TBCCD1: variants seen among roughly 807,000 people sequenced by gnomAD.
TBCCD1 encodes TBCC domain-containing protein 1.
A neutral mutation model predicts 53.4 loss-of-function variants in TBCCD1; 26 were observed. That is an observed-to-expected ratio of 0.49 (90% CI 0.36 to 0.68). TBCCD1 has a LOEUF of 0.68. Ranked by LOEUF, TBCCD1 falls within the 30% of genes least tolerant of loss-of-function variation. TBCCD1 has a pLI of 0.00. For synonymous variants in TBCCD1, 245 were observed against 241.7 expected, an observed-to-expected ratio of 1.01 and a Z score of -0.13; for missense variants, 558 against 669.5, an observed-to-expected ratio of 0.83 and a Z score of 1.84.
chr3:186,557,498 G>C (rs1714575996), intron 3 of TBCCD1, among the ~76,000 whole-genome samples: 1 of 152,214 alleles, frequency 6.6e-6, no homozygotes, highest in Admixed American at 6.5e-5. Flanking sequence ...TTAAGCTATA[G>C]CTAGGGCATC....
At chr3:186,557,388 A>C (rs1714572929) in intron 3 of TBCCD1, among the ~76,000 whole-genome samples, 1 of 152,072 alleles carries the variant, frequency 6.6e-6, no homozygotes, top group South Asian at 2.1e-4. Context: ...CCTTGGCTCA[A>C]AACACCATCT....
intron 2 of TBCCD1, among the ~76,000 whole-genome samples, chr3:186,559,372 G>A (rs1358276610): frequency 6.6e-6 from 1 of 152,182 alleles, no homozygotes; most frequent in Non-Finnish European, 1.5e-5. Flanking sequence ...TTTCAAGGGA[G>A]TAGGCCTCAG....
chr3:186,563,389 T>C (rs1167011061), intron 2 of TBCCD1, among the ~76,000 whole-genome samples: 7 of 152,236 alleles, frequency 4.6e-5, no homozygotes, highest in Admixed American at 4.6e-4. Flanking sequence ...ATAGCATCTT[T>C]TTTTAATACC....
rs1206225356 is a variant in TBCCD1 at position 186,564,520 on chromosome 3, AAC to A, written c.-43-150_-43-149del. The A allele has an allele frequency of 2.2e-5, 12 of 545,764 alleles. No individual in the cohort carries two copies. In the East Asian group the frequency reaches 3.7e-4, roughly 17 times the overall value. 33.8% of individuals were successfully genotyped at this position (545,764 alleles called of 1,614,324 possible). On this transcript the variant is annotated intron_variant, in intron 1 of 7. Coordinates refer to ENST00000338733, the MANE Select transcript of TBCCD1 (RefSeq NM_018138.5). Reference sequence around the variant, plus strand: ...GCTCTAGTTCACCAACCAAGAGCAGAACAGTTTTTTTAATCAGATCTCATTAT... The same window carrying A: ...GCTCTAGTTCACCAACCAAGAGCAGAAGTTTTTTTAATCAGATCTCATTAT...
rs73057405 is a variant in TBCCD1 at position 186,551,014 on chromosome 3, T to C, written c.*21+115A>G. 5.9e-3 allele frequency: 6,221 copies of C among 1,060,298 alleles called. 268 individuals are homozygous for C. In the African/African-American group the frequency reaches 0.088, roughly 15 times the overall value. The allele number at this position is 1,060,298 out of a possible 1,614,324, so 65.7% of individuals were successfully genotyped here. On this transcript the variant is annotated intron_variant, in intron 7 of 7. Transcript: ENST00000338733. ...TGGGTACATAAAGGTCCGTGTATGCTGGTAGGAGCGGTAGAAAAAATTTGG... is the reference window on the plus strand; with the variant it reads ...TGGGTACATAAAGGTCCGTGTATGCCGGTAGGAGCGGTAGAAAAAATTTGG...
intron 1 of TBCCD1, among the ~76,000 whole-genome samples, chr3:186,566,116 C>A (rs577216653): frequency 6.6e-6 from 1 of 151,832 alleles, no homozygotes; most frequent in African/African-American, 2.4e-5. Flanking sequence ...CGGCTCATTG[C>A]AACCTCCACC....
intron 4 of TBCCD1, 74 bp from the exon 5 acceptor site, chr3:186,555,158 C>T (rs140151440): frequency 0.01 from 14,022 of 1,396,046 alleles, 96 homozygotes; most frequent in Non-Finnish European, 0.012. Flanking sequence ...TGAGGTTACA[C>T]GTCTACATGT....
intron 2 of TBCCD1, among the ~76,000 whole-genome samples, chr3:186,561,353 T>C (rs914698239): frequency 6.6e-6 from 1 of 152,200 alleles, no homozygotes. Context: ...TCAACATCAC[T>C]ACTCATTAGA....
chr3:186,547,606 C>CT lies in TBCCD1; in HGVS notation c.*22-652dup, dbSNP rs574168560. On this transcript the variant is annotated intron_variant, in intron 7 of 7. Transcript: ENST00000338733. Reference sequence around the variant, plus strand: ...ATTTATTAATAAATATTGCTAAATTCTTTTTTTTTTTTTTTTTTAAGACGG... The same window carrying CT: ...ATTTATTAATAAATATTGCTAAATTCTTTTTTTTTTTTTTTTTTTAAGACGG... 7.0e-3 allele frequency among the ~76,000 whole-genome samples: 884 copies of CT among 127,164 alleles called. 6 individuals carry two copies. Among genetic ancestry groups the CT allele is most frequent in the East Asian group, 0.018 (77 of 4,202 alleles). The allele number at this position is 127,164 out of a possible 152,430, so 83.4% of individuals were successfully genotyped here.
intron 2 of TBCCD1, among the ~76,000 whole-genome samples, chr3:186,559,189 C>T (rs529720987): frequency 6.6e-6 from 1 of 151,878 alleles, no homozygotes; most frequent in East Asian, 1.9e-4. Context: ...TTTAAACTTA[C>T]AATTTAAAAA....
chr3:186,564,239 G>A lies in TBCCD1; in HGVS notation c.91C>T (p.His31Tyr), dbSNP rs1330360088. ...TAGGTGGATATCTTCCTGAGATAGT[G>A]AAGACTAAACTTGGATGGAGGGGGG... ...QVPPPSKFSL[H>Y]YLRKISTYVQ... Residue 31 changes from histidine (H) to tyrosine (Y), a missense_variant, in exon 2 of 8, where the codon CAC (histidine) becomes TAC (tyrosine). His to Tyr is a moderately conservative substitution (Grantham distance 83). Transcript: ENST00000338733. The A allele has an allele frequency of 1.2e-6, 2 of 1,614,202 alleles. No individual in the cohort carries two copies. The highest frequency in any genetic ancestry group is 3.3e-5 in the Admixed American group (2 of 60,026).
At chr3:186,563,545 C>T (rs1714742123) in intron 2 of TBCCD1, among the ~76,000 whole-genome samples, 1 of 152,138 alleles carries the variant, frequency 6.6e-6, no homozygotes, top group South Asian at 2.1e-4. Context: ...CTCATTCACC[C>T]CAAAATCTTT....
chr3:186,552,117 A>G (rs1252071869), intron 6 of TBCCD1, among the ~76,000 whole-genome samples: 2 of 152,212 alleles, frequency 1.3e-5, no homozygotes, highest in Non-Finnish European at 1.5e-5. Flanking sequence ...GAATGGAGAG[A>G]GATGGCCTCC....
chr3:186,552,274 A>G (rs1418398694), intron 6 of TBCCD1, among the ~76,000 whole-genome samples: 35 of 152,194 alleles, frequency 2.3e-4, no homozygotes, highest in Non-Finnish European at 2.8e-4. Flanking sequence ...GATAAGAAAG[A>G]GAAGAGTAGC....
Position 186,551,101 on chromosome 3 carries a change from ATC to A in TBCCD1, c.*21+26_*21+27del, listed in dbSNP as rs765941018. 29 of 1,574,656 alleles carry A rather than the reference ATC, an allele frequency of 1.8e-5. No homozygotes were observed. In the East Asian group the frequency reaches 6.5e-4, roughly 35 times the overall value. On this transcript the variant is annotated intron_variant, in intron 7 of 7. Coordinates refer to ENST00000338733, the MANE Select transcript of TBCCD1 (RefSeq NM_018138.5). ...ATGCTTGAAAGATTTCCCCAAAAGA[ATC>A]TGTTTTAAGTGGTATAAATGCCTAC...
At chr3:186,565,084 T>TTTA (rs1191831697) in intron 1 of TBCCD1, among the ~76,000 whole-genome samples, 3 of 151,904 alleles carry the variant, frequency 2.0e-5, no homozygotes, top group Admixed American at 1.3e-4. Context: ...AAATTAATAT[T>TTTA]TTATTGTATT....
At chr3:186,565,109 C>CTTTTTTTTTTTTTT (rs370017010) in intron 1 of TBCCD1, among the ~76,000 whole-genome samples, 4 of 124,754 alleles carry the variant, frequency 3.2e-5, no homozygotes, top group African/African-American at 9.3e-5. Flanking sequence ...TCTTCTTCTT[C>CTTTTTTTTTTTTTT]TTTTTTTTTT....
chr3:186,565,528 C>T (rs778772213), intron 1 of TBCCD1, among the ~76,000 whole-genome samples: 3 of 152,138 alleles, frequency 2.0e-5, no homozygotes, highest in Non-Finnish European at 2.9e-5. Context: ...ATAAATGTAT[C>T]CCATTTTATT....
At chr3:186,551,091 C>G in intron 7 of TBCCD1, 38 bp downstream of exon 7, 1 of 1,567,574 alleles carries the variant, frequency 6.4e-7, no homozygotes, top group Non-Finnish European at 8.6e-7. Flanking sequence ...TGAAAGATTT[C>G]CCCAAAAGAA....
Sources: gnomAD v4.1 joint callset for allele counts (sites outside exome capture counted in the v4.1 genomes callset) on GRCh38, gnomAD v4.1.1 for gene constraint, MANE v1.5 for transcripts, NCBI Gene and HGNC (gene_info 2026-07-23, HGNC 2026-07-21) for gene names.